ABCB5: variants seen among roughly 807,000 people sequenced by gnomAD.
ABCB5 encodes ATP binding cassette subfamily B member 5, also known as ATP-binding cassette sub-family B member 5.
Under a neutral mutation model 144.2 loss-of-function variants are expected in ABCB5, and 155 were observed. That is an observed-to-expected ratio of 1.08 (90% CI 0.94 to 1.23). ABCB5 has a LOEUF of 1.23. ABCB5 is among the 50% of genes most tolerant of loss of function. The probability of loss-of-function intolerance (pLI) is 0.00; values close to 1 mark genes in which losing one functional copy is unlikely to be tolerated. For missense variants in ABCB5, 1,830 were observed against 1,520.8 expected, an observed-to-expected ratio of 1.20 and a Z score of -3.38; for synonymous variants, 610 against 528.6, an observed-to-expected ratio of 1.15 and a Z score of -2.11.
intron 1 of ABCB5, among the ~76,000 whole-genome samples, chr7:20,622,367 T>C (rs1167645942): frequency 6.6e-6 from 1 of 152,172 alleles, no homozygotes; most frequent in Non-Finnish European, 1.5e-5. Context: ...CATTTACTTC[T>C]GTAAAAGGAA....
intron 14 of ABCB5, among the ~76,000 whole-genome samples, chr7:20,669,902 G>T (rs1161248170): frequency 6.6e-6 from 1 of 152,076 alleles, no homozygotes; most frequent in Non-Finnish European, 1.5e-5. Flanking sequence ...TCTTTTAAAG[G>T]GCTGTAGGCA....
At chr7:20,751,321 A>C (rs1196669794) in intron 26 of ABCB5, among the ~76,000 whole-genome samples, 2 of 152,028 alleles carry the variant, frequency 1.3e-5, no homozygotes, top group East Asian at 3.9e-4. Flanking sequence ...AAATACAAAA[A>C]ATTAGCCAGG....
At chr7:20,665,748 T>TAGAA (rs1053672156) in intron 14 of ABCB5, among the ~76,000 whole-genome samples, 2 of 138,574 alleles carry the variant, frequency 1.4e-5, no homozygotes, top group African/African-American at 5.3e-5. Flanking sequence ...GATAGATAGA[T>TAGAA]AGATAGATAG....
intron 23 of ABCB5, among the ~76,000 whole-genome samples, chr7:20,730,524 A>G (rs1397231756): frequency 6.6e-6 from 1 of 152,176 alleles, no homozygotes; most frequent in Non-Finnish European, 1.5e-5. Context: ...ATTTAAAATA[A>G]AATTTCAACA....
chr7:20,752,294 G>T (rs1782954984), intron 26 of ABCB5, among the ~76,000 whole-genome samples: 2 of 152,190 alleles, frequency 1.3e-5, no homozygotes, highest in African/African-American at 2.4e-5. Flanking sequence ...AGAAAGCAAT[G>T]TGAAGCCTTG....
intron 1 of ABCB5, among the ~76,000 whole-genome samples, chr7:20,616,589 T>C (rs1783690532): frequency 6.6e-6 from 1 of 152,246 alleles, no homozygotes; most frequent in Non-Finnish European, 1.5e-5. Context: ...GTACTTGCCA[T>C]GATAGCATCC....
At chr7:20,650,178 C>A (rs1325289725) in intron 12 of ABCB5, 31 bp downstream of exon 12, 9 of 1,608,490 alleles carry the variant, frequency 5.6e-6, no homozygotes, top group Middle Eastern at 1.7e-4. Context: ...CATGCACAGT[C>A]CACCTAATGG....
intron 16 of ABCB5, among the ~76,000 whole-genome samples, chr7:20,686,295 T>A (rs1219217997): frequency 6.6e-6 from 1 of 152,070 alleles, no homozygotes; most frequent in Non-Finnish European, 1.5e-5. Flanking sequence ...GATGGGAGTA[T>A]TTGTTCCCAT....
At chr7:20,725,796 TC>T (rs1382956830) in intron 21 of ABCB5, among the ~76,000 whole-genome samples, 1 of 152,204 alleles carries the variant, frequency 6.6e-6, no homozygotes, top group Non-Finnish European at 1.5e-5. Flanking sequence ...AGCATTCTTA[TC>T]CATTTTCTTC....
chr7:20,736,172 T>C (rs1288920998), intron 23 of ABCB5, among the ~76,000 whole-genome samples: 1 of 152,168 alleles, frequency 6.6e-6, no homozygotes, highest in Non-Finnish European at 1.5e-5. Context: ...GCCGTGCTAA[T>C]CTATTGCTAC....
intron 20 of ABCB5, among the ~76,000 whole-genome samples, chr7:20,716,548 T>C (rs557402915): frequency 9.9e-5 from 15 of 152,244 alleles, no homozygotes; most frequent in Non-Finnish European, 1.8e-4. Context: ...AGTACTTTAG[T>C]GGACATTTTA....
In ABCB5 at chr7:20,658,533, G is replaced by A. The variant is rs200262701; in HGVS notation, c.1564G>A (p.Gly522Arg). The A allele has an allele frequency of 6.4e-4, 1,031 of 1,613,896 alleles. 1 individual carries two copies. Among genetic ancestry groups the A allele is most frequent in the Non-Finnish European group, 8.3e-4 (981 of 1,179,996 alleles). Residue 522 changes from glycine (G) to arginine (R), a missense_variant, in exon 14 of 28, where the codon GGA (glycine) becomes AGA (arginine). Physicochemically the swap from Gly to Arg is moderately radical, Grantham distance 125. Coordinates refer to ENST00000404938, the MANE Select transcript of ABCB5 (RefSeq NM_001163941.2). ...ATTTAATACATTGGTAGGGGAAAAAGGAGCTCAAATGAGTGGAGGGCAGAA... is the reference window on the plus strand; with the variant it reads ...ATTTAATACATTGGTAGGGGAAAAAAGAGCTCAAATGAGTGGAGGGCAGAA... The part of the protein sequence containing the change: ...NKFNTLVGEK[G>R]AQMSGGQKQR...
intron 24 of ABCB5, among the ~76,000 whole-genome samples, chr7:20,741,690 CCTATAAT>C (rs1365935991): frequency 6.6e-6 from 1 of 151,962 alleles, no homozygotes; most frequent in Non-Finnish European, 1.5e-5. Context: ...TTGCTTCTTA[CCTATAAT>C]ATGATGGGCT....
At position 20,650,588 on chromosome 7, in the gene ABCB5, G is replaced by A. The variant is rs1011475378; in HGVS notation, c.1332+441G>A. Reference sequence around the variant, plus strand: ...CTTTTCCTTTTTTTTTTTTCTTGGAGCTTACAGTGTTGCACTTAACTTTCT... The same window carrying A: ...CTTTTCCTTTTTTTTTTTTCTTGGAACTTACAGTGTTGCACTTAACTTTCT... On this transcript the variant is annotated intron_variant, in intron 12 of 27. Coordinates refer to ENST00000404938, the MANE Select transcript of ABCB5 (RefSeq NM_001163941.2). Among the ~76,000 whole-genome samples, 5 of 150,358 alleles carry A rather than the reference G, an allele frequency of 3.3e-5. No individual in the cohort carries two copies. The East Asian group carries it at 7.8e-4, about 23-fold the overall frequency.
chr7:20,724,520 T>C (rs1015550631), intron 21 of ABCB5, among the ~76,000 whole-genome samples: 3 of 150,454 alleles, frequency 2.0e-5, no homozygotes, highest in African/African-American at 7.3e-5. Flanking sequence ...TCCCAGTTAC[T>C]TGGGAGGCTG....
At chr7:20,741,621 T>C (rs796784309) in intron 24 of ABCB5, among the ~76,000 whole-genome samples, 10 of 152,266 alleles carry the variant, frequency 6.6e-5, no homozygotes, top group African/African-American at 2.4e-4. Flanking sequence ...ATCAAATTCT[T>C]TTAACAAGAA....
chr7:20,728,849 G>A (rs1030080317), intron 23 of ABCB5, among the ~76,000 whole-genome samples: 14 of 152,122 alleles, frequency 9.2e-5, no homozygotes, highest in Non-Finnish European at 1.6e-4. Flanking sequence ...TTTATAGTGA[G>A]TTATCATTTA....
intron 5 of ABCB5, among the ~76,000 whole-genome samples, chr7:20,633,565 G>A (rs1025355062): frequency 6.6e-6 from 1 of 152,062 alleles, no homozygotes; most frequent in Admixed American, 6.6e-5. Context: ...GATCAGATCC[G>A]ATTAATTAGC....
chr7:20,638,193 T>C (rs1784207067), intron 5 of ABCB5, among the ~76,000 whole-genome samples: 1 of 152,098 alleles, frequency 6.6e-6, no homozygotes, highest in South Asian at 2.1e-4. Flanking sequence ...CTGCAGAAAA[T>C]GTGAAAAGAT....
Sources: allele counts gnomAD v4.1 joint callset (sites outside exome capture counted in the v4.1 genomes callset), GRCh38; gene constraint gnomAD v4.1.1; transcripts MANE v1.5; gene names NCBI Gene and HGNC (gene_info 2026-07-23, HGNC 2026-07-21).